Variants in COLEC11 observed in about 807,000 individuals in gnomAD.
COLEC11 encodes collectin-11.
COLEC11 carries 20 observed loss-of-function variants against 27.3 expected under a neutral mutation model. The ratio of observed to expected loss-of-function variants is 0.73; its 90% CI spans 0.51 to 1.06. The LOEUF (loss-of-function observed/expected upper bound fraction) is 1.06. COLEC11 is among the 50% of genes least tolerant of loss of function. The pLI, the probability that COLEC11 is intolerant of heterozygous loss-of-function variation, is 0.00. For missense variants in COLEC11, 310 were observed against 383.0 expected (o/e 0.81, Z 1.59); for synonymous variants, 163 against 154.7 (o/e 1.05, Z -0.40).
At chr2:3,633,589 C>T (rs892980396) in intron 3 of COLEC11, among the ~76,000 whole-genome samples, 1 of 152,084 alleles carries the variant, frequency 6.6e-6, no homozygotes, top group African/African-American at 2.4e-5. Flanking sequence ...ATCTGGCAGC[C>T]TGGACCTCCT....
At chr2:3,633,493 A>G (rs1480666874) in intron 3 of COLEC11, among the ~76,000 whole-genome samples, 1 of 152,102 alleles carries the variant, frequency 6.6e-6, no homozygotes, top group Admixed American at 6.5e-5. Flanking sequence ...GAAGTGTGGG[A>G]CCCAGTCCCT....
chr2:3,598,875 A>C (rs1405921920), intron 1 of COLEC11, among the ~76,000 whole-genome samples: 1 of 152,212 alleles, frequency 6.6e-6, no homozygotes, highest in African/African-American at 2.4e-5. Flanking sequence ...AACTGTAATA[A>C]GGTACAAGGT....
intron 4 of COLEC11, among the ~76,000 whole-genome samples, chr2:3,638,624 C>G (rs1665617620): frequency 6.6e-6 from 1 of 152,108 alleles, no homozygotes; most frequent in Non-Finnish European, 1.5e-5. Flanking sequence ...CTAGCCCAGC[C>G]TGTACCTGGT....
At chr2:3,640,539 G>A (rs528757966) in intron 5 of COLEC11, among the ~76,000 whole-genome samples, 12 of 27,624 alleles carry the variant, frequency 4.3e-4, no homozygotes, top group East Asian at 2.0e-3. Flanking sequence ...CACATCCCAC[G>A]GTGGACACCC....
At chr2:3,632,766 C>T (rs1665111474) in intron 3 of COLEC11, among the ~76,000 whole-genome samples, 1 of 152,134 alleles carries the variant, frequency 6.6e-6, no homozygotes, top group Non-Finnish European at 1.5e-5. Context: ...TAATTTATTT[C>T]TGAAAGATGG....
chr2:3,613,231 A>G (rs558570424), intron 2 of COLEC11, 80 bp from the exon 3 acceptor site: 2 of 1,467,068 alleles, frequency 1.4e-6, no homozygotes, highest in East Asian at 4.8e-5. Flanking sequence ...GAACGCTTCT[A>G]ACTGTTCTTC....
At chr2:3,635,090 CCCCCTCTCCCCTGCCTGTCCCCCA>C (rs1665296965) in intron 3 of COLEC11, among the ~76,000 whole-genome samples, 2 of 34,486 alleles carry the variant, frequency 5.8e-5, no homozygotes, top group Admixed American at 4.5e-4. Context: ...CCCTGCCTGT[CCCCCTCTCCCCTGCCTGTCCCCCA>C]TCCCCTGCCT....
intron 3 of COLEC11, among the ~76,000 whole-genome samples, chr2:3,635,871 A>G (rs4849918): frequency 1 from 151,794 of 152,354 alleles, 75,619 homozygotes; most frequent in Middle Eastern, 1. Flanking sequence ...ATGCCGGGCC[A>G]TGTCATTTTC....
rs369135425 is a variant in COLEC11 at position 3,607,034 on chromosome 2, C to T, written c.130+2564C>T. The stretch of plus-strand genomic sequence containing the variant: ...CAGTCCCGCCGTTCGGCCCCGGACA[C>T]GGGGTGGCATCTGGTCTGAGAAACA... On this transcript the variant is annotated intron_variant, in intron 2 of 6. Coordinates refer to ENST00000349077, the MANE Select transcript of COLEC11 (RefSeq NM_024027.5). Among the ~76,000 whole-genome samples, 7 of 152,294 alleles carry T rather than the reference C, an allele frequency of 4.6e-5. No individual in the cohort carries two copies. The South Asian group carries it at 1.0e-3, about 23-fold the overall frequency.
intron 3 of COLEC11, among the ~76,000 whole-genome samples, chr2:3,613,759 C>T (rs928761808): frequency 1.3e-5 from 2 of 152,264 alleles, no homozygotes; most frequent in East Asian, 1.9e-4. Context: ...CATCACTTTG[C>T]GTCTGTCTCC....
rs1662345540 is a variant in COLEC11, at chr2:3,602,979, T to C, written c.-26-1336T>C. On this transcript the variant is annotated intron_variant, in intron 1 of 6. Coordinates refer to ENST00000349077, the MANE Select transcript of COLEC11 (RefSeq NM_024027.5). This position sits in a 1 kb window ranked among gnomAD's most constrained non-coding sequence, Gnocchi z 6.2. Reference sequence around the variant, plus strand: ...AATAGGAATAAAAACATAAATGTTCTTGCTCTACTCCTGGTGCCTAGAGCT... The same window carrying C: ...AATAGGAATAAAAACATAAATGTTCCTGCTCTACTCCTGGTGCCTAGAGCT... Among the ~76,000 whole-genome samples the C allele has an allele frequency of 6.6e-6, 1 of 152,256 alleles. No homozygotes were observed. Among genetic ancestry groups the C allele is most frequent in the Non-Finnish European group, 1.5e-5 (1 of 68,046 alleles).
rs1438017525 is a variant in COLEC11 at position 3,640,096 on chromosome 2, C to T, written c.275-182C>T. Among the ~76,000 whole-genome samples the T allele has an allele frequency of 4.6e-5, 7 of 152,266 alleles. No homozygotes were observed. In the South Asian group the frequency reaches 6.2e-4, roughly 14 times the overall value. On this transcript the variant is annotated intron_variant, in intron 4 of 6. Transcript: ENST00000349077. ...GTCACCCCATGACATGTATATGGTT[C>T]GTATCACATAAATAGTGCCGGAAGC...
intron 3 of COLEC11, among the ~76,000 whole-genome samples, chr2:3,616,284 C>T (rs1572420162): frequency 6.7e-6 from 1 of 148,472 alleles, no homozygotes; most frequent in South Asian, 2.1e-4. Context: ...ACTGGGCAGC[C>T]GGGCAGAGGG....
intron 1 of COLEC11, among the ~76,000 whole-genome samples, chr2:3,595,942 A>G (rs1019789552): frequency 6.6e-5 from 10 of 152,222 alleles, no homozygotes; most frequent in Non-Finnish European, 1.2e-4. Context: ...CACTGCCCCA[A>G]TCTTTCACAG....
chr2:3,641,354 A>G, intron 5 of COLEC11: 1 of 1,302,338 alleles, frequency 7.7e-7, no homozygotes, highest in Non-Finnish European at 1.0e-6. Context: ...GCCGAGCAGC[A>G]TCCGCTCAGG....
chr2:3,612,087 A>C (rs1234973938), intron 2 of COLEC11, among the ~76,000 whole-genome samples: 1 of 152,098 alleles, frequency 6.6e-6, no homozygotes, highest in East Asian at 1.9e-4. Context: ...ACAAAGGTGC[A>C]AATGGAGAGT....
intron 3 of COLEC11, among the ~76,000 whole-genome samples, chr2:3,634,100 C>T (rs537682729): frequency 1.3e-5 from 2 of 152,300 alleles, no homozygotes; most frequent in East Asian, 1.9e-4. Flanking sequence ...CTTGGGGTCA[C>T]GGCTTCAACA....
At chr2:3,613,980 C>CTTTTTTTTTTTTTTTTT (rs57071680) in intron 3 of COLEC11, among the ~76,000 whole-genome samples, 1 of 131,132 alleles carries the variant, frequency 7.6e-6, no homozygotes, top group African/African-American at 2.9e-5. Flanking sequence ...TTCTTTCTTT[C>CTTTTTTTTTTTTTTTTT]TTTTTTTTTT....
At chr2:3,597,287 T>C (rs1661908972) in intron 1 of COLEC11, among the ~76,000 whole-genome samples, 1 of 146,568 alleles carries the variant, frequency 6.8e-6, no homozygotes, top group Non-Finnish European at 1.5e-5. Flanking sequence ...AGCAGATGAG[T>C]GTGAGTGAAG....
Sources: gnomAD v4.1 joint callset for allele counts (sites outside exome capture counted in the v4.1 genomes callset) on GRCh38, gnomAD v4.1.1 for gene constraint, Gnocchi (gnomAD v3.1) non-coding constraint, MANE v1.5 for transcripts, NCBI Gene and HGNC (gene_info 2026-07-23, HGNC 2026-07-21) for gene names.